NKAIN2: variants seen among roughly 807,000 people sequenced by gnomAD.
NKAIN2 encodes the protein sodium/potassium-transporting ATPase subunit beta-1-interacting protein 2.
NKAIN2 carries 14 observed loss-of-function variants against 32.6 expected under a neutral mutation model. The ratio of observed to expected loss-of-function variants is 0.43; its 90% confidence interval spans 0.28 to 0.67. NKAIN2 has a LOEUF of 0.67. Ranked by LOEUF, NKAIN2 falls within the 30% of genes least tolerant of loss-of-function variation. The pLI is 0.17. For synonymous variants in NKAIN2, 80 were observed against 87.2 expected (o/e 0.92, Z 0.46); for missense variants, 198 against 258.3 (o/e 0.77, Z 1.60).
chr6:124,477,590 C>T (rs184402849), intron 3 of NKAIN2, among the ~76,000 whole-genome samples: 28 of 151,688 alleles, frequency 1.8e-4, no homozygotes, highest in Admixed American at 3.3e-4. Context: ...CTCTTTCCTC[C>T]CCCTGCTGCC....
At chr6:124,259,833 C>G (rs767347204) in intron 1 of NKAIN2, among the ~76,000 whole-genome samples, 3 of 152,166 alleles carry the variant, frequency 2.0e-5, no homozygotes, top group African/African-American at 7.2e-5. Context: ...ATTTTTTTCA[C>G]CTTTCATCAT....
chr6:123,804,099 C>A lies in NKAIN2; in HGVS notation c.-102C>A, dbSNP rs1291909900. The A allele has an allele frequency of 1.9e-6, 2 of 1,067,144 alleles. No individual in the cohort carries two copies. The highest frequency in any genetic ancestry group is 1.3e-5 in the South Asian group (1 of 79,992). The allele number at this position is 1,067,144 out of a possible 1,614,324, so 66.1% of individuals were successfully genotyped here. On this transcript the variant is annotated 5_prime_UTR_variant, in exon 1 of 7. It introduces an in-frame stop codon into an upstream open reading frame of the 5' UTR. Transcript: ENST00000368417. ...CAGCAGCCCGGAGCCCCCGAGCCCT[C>A]GGCAGGTTTGCGTGTCCTTCCCCGC...
chr6:123,950,802 A>G (rs929860021), intron 1 of NKAIN2, among the ~76,000 whole-genome samples: 1 of 151,696 alleles, frequency 6.6e-6, no homozygotes, highest in Non-Finnish European at 1.5e-5. Flanking sequence ...TTCTGCTCTG[A>G]TTTTTATTAT....
chr6:124,278,172 G>A (rs1296124594), intron 1 of NKAIN2, among the ~76,000 whole-genome samples: 1 of 152,074 alleles, frequency 6.6e-6, no homozygotes, highest in Admixed American at 6.6e-5. Flanking sequence ...TAATTTTCTT[G>A]TTATTAAAGT....
At chr6:124,182,565 A>T (rs1789497574) in intron 1 of NKAIN2, among the ~76,000 whole-genome samples, 1 of 152,324 alleles carries the variant, frequency 6.6e-6, no homozygotes, top group East Asian at 1.9e-4. Flanking sequence ...GTGATTAATG[A>T]AATTAAATTT....
intron 1 of NKAIN2, among the ~76,000 whole-genome samples, chr6:123,896,179 C>G (rs1157969589): frequency 6.6e-6 from 1 of 152,132 alleles, no homozygotes; most frequent in African/African-American, 2.4e-5. Context: ...GGAGAAAGAA[C>G]TGAGACTTAC....
At chr6:124,436,921 C>T (rs981004306) in intron 3 of NKAIN2, among the ~76,000 whole-genome samples, 9 of 152,132 alleles carry the variant, frequency 5.9e-5, no homozygotes, top group African/African-American at 2.2e-4. Context: ...CCTCCTCTCC[C>T]CATCACCTTT....
intron 3 of NKAIN2, among the ~76,000 whole-genome samples, chr6:124,605,639 A>G (rs1462856724): frequency 6.6e-6 from 1 of 152,098 alleles, no homozygotes; most frequent in African/African-American, 2.4e-5. Flanking sequence ...TCTCCGCAGT[A>G]TATGTTTACT....
chr6:124,473,729 G>A (rs961712091), intron 3 of NKAIN2, among the ~76,000 whole-genome samples: 3 of 152,074 alleles, frequency 2.0e-5, no homozygotes, highest in Non-Finnish European at 2.9e-5. Context: ...TGTAGACTTC[G>A]AATCTAAGGC....
chr6:124,694,712 T>G (rs1335031153), intron 4 of NKAIN2, among the ~76,000 whole-genome samples: 1 of 152,224 alleles, frequency 6.6e-6, no homozygotes, highest in Non-Finnish European at 1.5e-5. Flanking sequence ...TGGTTATTTT[T>G]GGTGCTAGAA....
At chr6:124,102,272 C>T (rs978507961) in intron 1 of NKAIN2, among the ~76,000 whole-genome samples, 2 of 152,108 alleles carry the variant, frequency 1.3e-5, no homozygotes, top group Non-Finnish European at 2.9e-5. Context: ...ATCTGATGGC[C>T]GTAAAAATGC....
chr6:124,651,888 T>C (rs991670564), intron 3 of NKAIN2, among the ~76,000 whole-genome samples: 1 of 152,232 alleles, frequency 6.6e-6, no homozygotes, highest in Non-Finnish European at 1.5e-5. Context: ...CCTTATCAAA[T>C]GTGTACTTGG....
At position 123,868,070 on chromosome 6, in the gene NKAIN2, G is replaced by A. The variant is rs565132832; in HGVS notation, c.54+63816G>A. On this transcript the variant is annotated intron_variant, in intron 1 of 6. Transcript: ENST00000368417. The stretch of plus-strand genomic sequence containing the variant: ...TTTTTAGTAGAGACAGGGTTTCACT[G>A]TGTTAGCCAGGATGGTCTTGATCTC... Among the ~76,000 whole-genome samples, 27 of 152,036 alleles carry A rather than the reference G, an allele frequency of 1.8e-4. No individual in the cohort carries two copies. The East Asian group carries it at 4.1e-3, about 23-fold the overall frequency.
chr6:124,399,165 G>A (rs1385711848), intron 3 of NKAIN2, among the ~76,000 whole-genome samples: 1 of 152,114 alleles, frequency 6.6e-6, no homozygotes, highest in African/African-American at 2.4e-5. Context: ...GACCTCAAGT[G>A]ATCCACCTAC....
intron 1 of NKAIN2, among the ~76,000 whole-genome samples, chr6:124,256,885 G>GTTTTTTTTTTTTTT (rs568654193): frequency 6.6e-5 from 5 of 75,906 alleles, no homozygotes; most frequent in African/African-American, 1.4e-4. Flanking sequence ...GCTTTCTGTT[G>GTTTTTTTTTTTTTT]TTTTTTTTTT....
At chr6:124,311,775 G>A (rs1239155793) in intron 2 of NKAIN2, among the ~76,000 whole-genome samples, 4 of 152,124 alleles carry the variant, frequency 2.6e-5, no homozygotes, top group Admixed American at 2.6e-4. Flanking sequence ...AGACCTGGTT[G>A]CAGAAAAGAG....
chr6:124,525,463 T>G (rs1779276050), intron 3 of NKAIN2, among the ~76,000 whole-genome samples: 4 of 152,164 alleles, frequency 2.6e-5, no homozygotes. Flanking sequence ...ATTAGCTCTT[T>G]ATATAACTTT....
chr6:124,437,981 G>T, intron 3 of NKAIN2: 1 of 412,622 alleles, frequency 2.4e-6, no homozygotes, highest in Non-Finnish European at 4.7e-6. Flanking sequence ...CTTATATCTG[G>T]AAATACAGAG....
chr6:124,307,427 G>A (rs1796551405), intron 2 of NKAIN2, among the ~76,000 whole-genome samples: 1 of 152,130 alleles, frequency 6.6e-6, no homozygotes, highest in African/African-American at 2.4e-5. Flanking sequence ...GGGAGGAGTG[G>A]TAGGTAGGTG....
Sources: allele counts gnomAD v4.1 joint callset (sites outside exome capture counted in the v4.1 genomes callset), GRCh38; gene constraint gnomAD v4.1.1; transcripts MANE v1.5; gene names NCBI Gene and HGNC (gene_info 2026-07-23, HGNC 2026-07-21).